GUCY1A1: variants seen among roughly 807,000 people sequenced by gnomAD.
The protein encoded by GUCY1A1 is guanylate cyclase soluble subunit alpha-1.
A neutral mutation model predicts 64.5 loss-of-function variants in GUCY1A1; 48 were observed. That is an observed-to-expected ratio of 0.74 (90% CI 0.59 to 0.95). GUCY1A1 has a LOEUF of 0.95. Ranked by LOEUF, GUCY1A1 falls within the 40% of genes least tolerant of loss-of-function variation. The pLI is 0.00. For missense variants in GUCY1A1, 804 were observed against 825.3 expected, an observed-to-expected ratio of 0.97 and a Z score of 0.32; for synonymous variants, 308 against 303.4, an observed-to-expected ratio of 1.02 and a Z score of -0.16.
At chr4:155,700,913 C>G (rs1020929610) in intron 3 of GUCY1A1, among the ~76,000 whole-genome samples, 2 of 152,124 alleles carry the variant, frequency 1.3e-5, no homozygotes, top group African/African-American at 4.8e-5. Context: ...AAATCTGAAA[C>G]CAAAAATTAA....
At chr4:155,714,103 T>C (rs1420976324) in intron 7 of GUCY1A1, among the ~76,000 whole-genome samples, 1 of 152,124 alleles carries the variant, frequency 6.6e-6, no homozygotes, top group African/African-American at 2.4e-5. Flanking sequence ...TTAACAGAAA[T>C]CAAAATCACC....
intron 2 of GUCY1A1, among the ~76,000 whole-genome samples, chr4:155,693,328 G>A (rs570286652): frequency 1.0e-3 from 159 of 152,218 alleles, no homozygotes; most frequent in African/African-American, 2.0e-3. Flanking sequence ...TTCTTGCCAA[G>A]GCCTGTCGCC....
At position 155,697,098 on chromosome 4, in the gene GUCY1A1, T is replaced by C; in HGVS notation, c.231T>C (p.Ser77=). 1 of 1,613,420 alleles carries C rather than the reference T, an allele frequency of 6.2e-7. No homozygotes were observed. Among genetic ancestry groups the C allele is most frequent in the Non-Finnish European group, 8.5e-7 (1 of 1,179,476 alleles). Reference sequence around the variant, plus strand: ...TCTATCTTCACACTTTGGCAGAGAGTATTTGCAAACTGATTTTCCCAGAGG... The same window carrying C: ...TCTATCTTCACACTTTGGCAGAGAGCATTTGCAAACTGATTTTCCCAGAGG... ...SRVYLHTLAE[S]ICKLIFPEFE... Residue 77 remains serine (S), a synonymous_variant, in exon 3 of 10, where the codon AGT becomes AGC. Transcript: ENST00000506455.
intron 2 of GUCY1A1, among the ~76,000 whole-genome samples, chr4:155,678,564 C>T (rs1036194958): frequency 6.6e-6 from 1 of 152,136 alleles, no homozygotes; most frequent in Non-Finnish European, 1.5e-5. Flanking sequence ...GGATGATGCA[C>T]AGAGTAGATA....
intron 2 of GUCY1A1, among the ~76,000 whole-genome samples, chr4:155,679,748 T>C (rs1317047204): frequency 6.6e-6 from 1 of 152,248 alleles, no homozygotes; most frequent in Non-Finnish European, 1.5e-5. Flanking sequence ...ATTTAATTTT[T>C]GTATATGGTA....
At chr4:155,729,524 A>G (rs1017413996) in intron 9 of GUCY1A1, among the ~76,000 whole-genome samples, 3 of 151,854 alleles carry the variant, frequency 2.0e-5, no homozygotes, top group South Asian at 2.1e-4. Flanking sequence ...TAAAAATTCT[A>G]TTGAAAGATT....
At chr4:155,691,773 C>T (rs865879102) in intron 2 of GUCY1A1, among the ~76,000 whole-genome samples, 10 of 151,924 alleles carry the variant, frequency 6.6e-5, no homozygotes, top group African/African-American at 1.7e-4. Context: ...TAACTTTTTT[C>T]GATTTTTTTA....
intron 2 of GUCY1A1, among the ~76,000 whole-genome samples, chr4:155,686,642 T>C (rs1729037247): frequency 6.6e-6 from 1 of 152,210 alleles, no homozygotes; most frequent in Non-Finnish European, 1.5e-5. Flanking sequence ...TTAAGTTTGG[T>C]TGTTATGAGA....
At position 155,710,915 on chromosome 4, in the gene GUCY1A1, G is replaced by C. The variant is rs1560950253; in HGVS notation, c.750G>C (p.Gln250His). Reference protein sequence around the residue: ...FHNDCSEFVNQPYLLYSVHMK... With the variant: ...FHNDCSEFVNHPYLLYSVHMK... ...ATGATTGCAGCGAGTTTGTGAATCAGCCCTACTTGTTGTACTCCGTTCACA... is the reference window on the plus strand; with the variant it reads ...ATGATTGCAGCGAGTTTGTGAATCACCCCTACTTGTTGTACTCCGTTCACA... The change falls in exon 6 of 10, where the codon CAG becomes CAC. Residue 250 changes from glutamine to histidine, a missense_variant. By Grantham distance (24) the Gln-to-His change is conservative (BLOSUM62 0). Transcript: ENST00000506455. The C allele has an allele frequency of 3.7e-6, 6 of 1,614,062 alleles. No individual in the cohort carries two copies. Among genetic ancestry groups the C allele is most frequent in the Non-Finnish European group, 5.1e-6 (6 of 1,179,942 alleles).
chr4:155,696,646 T>G (rs1338643747), intron 2 of GUCY1A1, 110 bp from the exon 3 acceptor site: 1 of 418,454 alleles, frequency 2.4e-6, no homozygotes, highest in Non-Finnish European at 4.2e-6. Context: ...CAGCAGAATT[T>G]TTTTAACTTG....
At chr4:155,724,700 G>T (rs756629719) in intron 9 of GUCY1A1, among the ~76,000 whole-genome samples, 7 of 151,854 alleles carry the variant, frequency 4.6e-5, no homozygotes, top group Non-Finnish European at 5.9e-5. Flanking sequence ...AACCTTTGTT[G>T]CCGTGCTCAG....
Position 155,730,772 on chromosome 4 carries a change from T to A in GUCY1A1, c.*541T>A, listed in dbSNP as rs866406752. The A allele has an allele frequency of 9.1e-5, 14 of 153,388 alleles. No homozygotes were observed. Among genetic ancestry groups the A allele is most frequent in the Non-Finnish European group, 2.1e-4 (14 of 67,868 alleles). 9.5% of individuals were successfully genotyped at this position (153,388 alleles called of 1,614,324 possible). A position where few individuals can be genotyped will look rare whatever the true frequency, so the allele number is the denominator to read the frequency against. ...TTTTTTCTCTATTGCACTTTCTTCT[T>A]TTTTTCTTTTTAGAAAATAAGCAAT... On this transcript the variant is annotated 3_prime_UTR_variant, in exon 10 of 10. Transcript: ENST00000506455.
intron 9 of GUCY1A1, among the ~76,000 whole-genome samples, chr4:155,725,227 C>T (rs904753472): frequency 3.3e-5 from 5 of 151,996 alleles, no homozygotes; most frequent in Admixed American, 6.6e-5. Context: ...TAGATCAGCG[C>T]GTGAAACACA....
chr4:155,703,839 G>T, intron 3 of GUCY1A1, 93 bp from the exon 4 acceptor site: 1 of 777,624 alleles, frequency 1.3e-6, no homozygotes, highest in Non-Finnish European at 2.2e-6. Context: ...CTTTATTCTC[G>T]AAAATAAATC....
chr4:155,686,273 C>G (rs1045378454), intron 2 of GUCY1A1, among the ~76,000 whole-genome samples: 1 of 152,022 alleles, frequency 6.6e-6, no homozygotes, highest in African/African-American at 2.4e-5. Context: ...TTCAGGAGTT[C>G]GTGACCAGCC....
intron 2 of GUCY1A1, among the ~76,000 whole-genome samples, chr4:155,679,026 T>A (rs1157660859): frequency 1.3e-5 from 2 of 152,244 alleles, no homozygotes; most frequent in Non-Finnish European, 2.9e-5. Context: ...TGGAAAACTG[T>A]ATATTCTGAA....
In GUCY1A1 at chr4:155,710,971, G is replaced by A. The variant is rs1391334160; in HGVS notation, c.806G>A (p.Ser269Asn). Residue 269 changes from serine to asparagine, a missense_variant, in exon 6 of 10, where the codon AGC (serine) becomes AAC (asparagine). Transcript: ENST00000506455. ...AGCACCAAGCCATCCCTGTCCCCCA[G>A]CAAACCCCAGTCCTCGCTGGTGATT... ...MKSTKPSLSP[S>N]KPQSSLVIPT... is the part of the protein sequence containing the mutation. 1 of 1,613,200 alleles carries A rather than the reference G, an allele frequency of 6.2e-7. No homozygotes were observed. The highest frequency in any genetic ancestry group is 8.5e-7 in the Non-Finnish European group (1 of 1,179,298).
intron 8 of GUCY1A1, among the ~76,000 whole-genome samples, chr4:155,719,554 T>C (rs943335398): frequency 6.6e-6 from 1 of 152,172 alleles, no homozygotes; most frequent in Non-Finnish European, 1.5e-5. Context: ...TGGTATAGAA[T>C]TGAAGTGAAA....
intron 2 of GUCY1A1, among the ~76,000 whole-genome samples, chr4:155,684,595 C>A (rs1184132368): frequency 5.3e-5 from 8 of 152,216 alleles, no homozygotes; most frequent in African/African-American, 1.7e-4. Context: ...TCTGCTGAGT[C>A]TCCAGGCCTC....
Sources: allele counts gnomAD v4.1 joint callset (sites outside exome capture counted in the v4.1 genomes callset), GRCh38; gene constraint gnomAD v4.1.1; transcripts MANE v1.5; gene names NCBI Gene and HGNC (gene_info 2026-07-23, HGNC 2026-07-21).